The following HSD17B8 variants were observed in gnomAD, a reference collection of about 807,000 sequenced individuals.
HSD17B8 encodes the protein hydroxysteroid 17-beta dehydrogenase 8.
A neutral mutation model predicts 33.2 loss-of-function variants in HSD17B8; 23 were observed. The ratio of observed to expected loss-of-function variants is 0.69; its 90% CI spans 0.50 to 0.98. HSD17B8 has a LOEUF of 0.98. HSD17B8 is among the 50% of genes least tolerant of loss of function. HSD17B8 has a pLI of 0.00. For synonymous variants in HSD17B8, 137 were observed against 138.6 expected (o/e 0.99, Z 0.08); for missense variants, 345 against 347.5 (o/e 0.99, Z 0.06).
Position 33,206,064 on chromosome 6 carries a change from A to G in HSD17B8, c.652-70A>G, listed in dbSNP as rs1775033518. 6 of 1,530,738 alleles carry G rather than the reference A, an allele frequency of 3.9e-6. No individual in the cohort carries two copies. The highest frequency in any genetic ancestry group is 5.4e-6 in the Non-Finnish European group (6 of 1,113,668). The allele number at this position is 1,530,738 out of a possible 1,614,324, so 94.8% of individuals were successfully genotyped here. A position where few individuals can be genotyped will look rare whatever the true frequency, so the allele number is the denominator to read the frequency against. On this transcript the variant is annotated intron_variant, in intron 6 of 8. Transcript: ENST00000374662. The surrounding 1 kb of genome is among the most constrained non-coding windows in gnomAD (Gnocchi z 6.2). ...AATGTATGAGAAATGAAGACAAAAA[A>G]GGGTCACAGACTCAGTCTTCAAAAA...
At position 33,205,754 on chromosome 6, in the gene HSD17B8, A is replaced by G; in HGVS notation, c.566+29A>G. 1 of 1,612,324 alleles carries G rather than the reference A, an allele frequency of 6.2e-7. No homozygotes were observed. Among genetic ancestry groups the G allele is most frequent in the Non-Finnish European group, 8.5e-7 (1 of 1,179,404 alleles). ...GGTCAGATGCTTGAGGGTGCTGGGGAGCACCTGGGGGGTCTGAGGGAGGTA... is the reference window on the plus strand; with the variant it reads ...GGTCAGATGCTTGAGGGTGCTGGGGGGCACCTGGGGGGTCTGAGGGAGGTA... On this transcript the variant is annotated intron_variant, in intron 5 of 8. Transcript: ENST00000374662. The surrounding 1 kb of genome is among the most constrained non-coding windows in gnomAD (Gnocchi z 5.0).
Position 33,206,342 on chromosome 6 carries a change from C to A in HSD17B8, c.695-33C>A. ...GCTGTTTTGGGTCTATGGGAGTGAG[C>A]AGAATTCTGCCCTCTCCCCACCATT... On this transcript the variant is annotated intron_variant, in intron 7 of 8. Transcript: ENST00000374662. This position sits in a 1 kb window ranked among gnomAD's most constrained non-coding sequence, Gnocchi z 6.2. 1.2e-6 allele frequency: 2 copies of A among 1,605,332 alleles called. No individual in the cohort carries two copies. Among genetic ancestry groups the A allele is most frequent in the Non-Finnish European group, 1.7e-6 (2 of 1,173,182 alleles).
At position 33,205,997 on chromosome 6, in the gene HSD17B8, G is replaced by T; in HGVS notation, c.651+85G>T. On this transcript the variant is annotated intron_variant, in intron 6 of 8. Coordinates refer to ENST00000374662, the MANE Select transcript of HSD17B8 (RefSeq NM_014234.5). This position sits in a 1 kb window ranked among gnomAD's most constrained non-coding sequence, Gnocchi z 5.0. The stretch of plus-strand genomic sequence containing the variant: ...AGAGAGAGAGAGAGAGAGAGAGAGA[G>T]AATACTGGGCACAGTTCCTGGCAAA... The T allele has an allele frequency of 7.5e-7, 1 of 1,328,558 alleles. No homozygotes were observed. The highest frequency in any genetic ancestry group is 1.1e-6 in the Non-Finnish European group (1 of 934,466). 82.3% of individuals were successfully genotyped at this position (1,328,558 alleles called of 1,614,324 possible).
rs1775048484 is a variant in HSD17B8, at chr6:33,206,177, G to A, written c.694+1G>A. ...ATGGGACACTTGGGGGACCCTGAGG[G>A]TGAGCACTGAATGTAGTGGGGTCCC... On this transcript the variant is annotated splice_donor_variant, in intron 7 of 8. Transcript: ENST00000374662. LOFTEE classifies it high-confidence loss of function. The surrounding 1 kb of genome is among the most constrained non-coding windows in gnomAD (Gnocchi z 6.2). The A allele has an allele frequency of 6.2e-7, 1 of 1,612,758 alleles. No individual in the cohort carries two copies. Among genetic ancestry groups the A allele is most frequent in the Non-Finnish European group, 8.5e-7 (1 of 1,179,874 alleles).
At position 33,206,184 on chromosome 6, in the gene HSD17B8, C is replaced by T. The variant is rs1775049370; in HGVS notation, c.694+8C>T. The T allele has an allele frequency of 3.1e-6, 5 of 1,612,482 alleles. No individual in the cohort carries two copies. Among genetic ancestry groups the T allele is most frequent in the Non-Finnish European group, 4.2e-6 (5 of 1,179,706 alleles). ...ACTTGGGGGACCCTGAGGGTGAGCA[C>T]TGAATGTAGTGGGGTCCCTGGGAAG... On this transcript the variant is annotated splice_region_variant and intron_variant, in intron 7 of 8. Transcript: ENST00000374662. The surrounding 1 kb of genome is among the most constrained non-coding windows in gnomAD (Gnocchi z 6.2).
chr6:33,205,998 A>AGAGAG lies in HSD17B8; in HGVS notation c.651+86_651+87insGAGAG. On this transcript the variant is annotated intron_variant, in intron 6 of 8. Transcript: ENST00000374662. This position sits in a 1 kb window ranked among gnomAD's most constrained non-coding sequence, Gnocchi z 5.0. The stretch of plus-strand genomic sequence containing the variant: ...GAGAGAGAGAGAGAGAGAGAGAGAG[A>AGAGAG]ATACTGGGCACAGTTCCTGGCAAAC... 283 of 1,342,484 alleles carry AGAGAG rather than the reference A, an allele frequency of 2.1e-4. No homozygotes were observed. Among genetic ancestry groups the AGAGAG allele is most frequent in the Middle Eastern group, 5.5e-4 (3 of 5,438 alleles). 83.2% of individuals were successfully genotyped at this position (1,342,484 alleles called of 1,614,324 possible).
Position 33,204,983 on chromosome 6 carries a change from G to C in HSD17B8, c.134G>C (p.Arg45Pro), listed in dbSNP as rs1207586121. ...GATVAACDLDRAAAQETVRLL... is the reference protein window; with the variant it reads ...GATVAACDLDPAAAQETVRLL... ...ACCGTAGCTGCCTGCGACCTGGACCGGGCAGCGGCACAGGAGACGGTGCGG... is the reference window on the plus strand; with the variant it reads ...ACCGTAGCTGCCTGCGACCTGGACCCGGCAGCGGCACAGGAGACGGTGCGG... The change falls in exon 2 of 9, where the codon CGG becomes CCG. Residue 45 changes from arginine (R) to proline (P), a missense_variant. Arg to Pro is a moderately radical substitution (Grantham distance 103). Coordinates refer to ENST00000374662, the MANE Select transcript of HSD17B8 (RefSeq NM_014234.5). The C allele has an allele frequency of 6.7e-7, 1 of 1,483,314 alleles. No homozygotes were observed. Among genetic ancestry groups the C allele is most frequent in the African/African-American group, 1.4e-5 (1 of 71,106 alleles). The allele number at this position is 1,483,314 out of a possible 1,614,324, so 91.9% of individuals were successfully genotyped here.
Position 33,205,102 on chromosome 6 carries a change from C to T in HSD17B8, c.253C>T (p.Leu85=), listed in dbSNP as rs777835548. 11 of 1,567,136 alleles carry T rather than the reference C, an allele frequency of 7.0e-6. No homozygotes were observed. Among genetic ancestry groups the T allele is most frequent in the Non-Finnish European group, 8.7e-6 (10 of 1,156,048 alleles). The change falls in exon 2 of 9, where the codon CTG becomes TTG. Residue 85 remains leucine, a synonymous_variant. Coordinates refer to ENST00000374662, the MANE Select transcript of HSD17B8 (RefSeq NM_014234.5). This position sits in a 1 kb window ranked among gnomAD's most constrained non-coding sequence, Gnocchi z 5.0. ...GTCTGAGGCCAGGGCCGCCAGGTGC[C>T]TGCTGGAACAAGTGCAGGTGAACGC... ...DVSEARAARC[L]LEQVQACFSR... is the part of the protein sequence containing the mutation.
chr6:33,206,630 C>T lies in HSD17B8; in HGVS notation c.770-8C>T, dbSNP rs1775084830. The T allele has an allele frequency of 1.9e-6, 3 of 1,613,876 alleles. No homozygotes were observed. Among genetic ancestry groups the T allele is most frequent in the Non-Finnish European group, 2.5e-6 (3 of 1,179,858 alleles). On this transcript the variant is annotated splice_polypyrimidine_tract_variant and splice_region_variant and intron_variant, in intron 8 of 8. Transcript: ENST00000374662. This position sits in a 1 kb window ranked among gnomAD's most constrained non-coding sequence, Gnocchi z 6.2. ...ATGCATCTGTCCAAATGTTTCTGCC[C>T]CTCCCAGGAGGTCTTTTCATGTAAC...
In HSD17B8 at chr6:33,205,339, T is replaced by C; in HGVS notation, c.387+2T>C. On this transcript the variant is annotated splice_donor_variant, in intron 3 of 8. Transcript: ENST00000374662. LOFTEE classifies it high-confidence loss of function. This position sits in a 1 kb window ranked among gnomAD's most constrained non-coding sequence, Gnocchi z 5.0. Reference sequence around the variant, plus strand: ...AAAGTCATAGCTGTCAACCTCAAGGTGGCGATCTCTGAACCTGCGACGTTT... The same window carrying C: ...AAAGTCATAGCTGTCAACCTCAAGGCGGCGATCTCTGAACCTGCGACGTTT... 6.2e-7 allele frequency: 1 copy of C among 1,612,240 alleles called. No individual in the cohort carries two copies. The highest frequency in any genetic ancestry group is 8.5e-7 in the Non-Finnish European group (1 of 1,178,906).
Position 33,204,864 on chromosome 6 carries a change from TC to T in HSD17B8, c.53-34del, listed in dbSNP as rs775400099. Reference sequence around the variant, plus strand: ...GTGACCTCTGATCCCTGCCCTCTCCTCCCCGTGCCCGGTCCGGCGTGTTCTG... The same window carrying T: ...GTGACCTCTGATCCCTGCCCTCTCCTCCCGTGCCCGGTCCGGCGTGTTCTG... On this transcript the variant is annotated intron_variant, in intron 1 of 8. Transcript: ENST00000374662. 1.0e-5 allele frequency: 15 copies of T among 1,490,986 alleles called. No individual in the cohort carries two copies. In the East Asian group the frequency reaches 3.7e-4, roughly 37 times the overall value. 92.4% of individuals were successfully genotyped at this position (1,490,986 alleles called of 1,614,324 possible).
intron 1 of HSD17B8, 33 bp downstream of exon 1, chr6:33,204,753 G>T: frequency 6.2e-7 from 1 of 1,612,222 alleles, no homozygotes. Flanking sequence ...GCGGTTTGGG[G>T]TATTGGAGTG....
In HSD17B8 at chr6:33,204,972, C is replaced by T. The variant is rs770107202; in HGVS notation, c.123C>T (p.Cys41=). The change falls in exon 2 of 9, where the codon TGC becomes TGT. Residue 41 remains cysteine (C), a synonymous_variant. Transcript: ENST00000374662. The stretch of plus-strand genomic sequence containing the variant: ...GAGAGGGGGCCACCGTAGCTGCCTG[C>T]GACCTGGACCGGGCAGCGGCACAGG... The part of the protein sequence containing the change: ...LAGEGATVAA[C]DLDRAAAQET... 1.4e-6 allele frequency: 2 copies of T among 1,472,994 alleles called. No individual in the cohort carries two copies. The highest frequency in any genetic ancestry group is 1.8e-6 in the Non-Finnish European group (2 of 1,117,220). 91.2% of individuals were successfully genotyped at this position (1,472,994 alleles called of 1,614,324 possible). A position where few individuals can be genotyped will look rare whatever the true frequency, so the allele number is the denominator to read the frequency against.
In HSD17B8 at chr6:33,204,740, C is replaced by G. The variant is rs1255060540; in HGVS notation, c.52+20C>G. On this transcript the variant is annotated intron_variant, in intron 1 of 8. Coordinates refer to ENST00000374662, the MANE Select transcript of HSD17B8 (RefSeq NM_014234.5). ...TCACAGGTTGAGGGGGTTCTTTCCC[C>G]GGGCGGTTTGGGGTATTGGAGTGAG... The G allele has an allele frequency of 4.3e-6, 7 of 1,612,844 alleles. No homozygotes were observed. The highest frequency in any genetic ancestry group is 5.9e-6 in the Non-Finnish European group (7 of 1,179,916).
chr6:33,205,210 C>A lies in HSD17B8; in HGVS notation c.271-11C>A. 1 of 1,612,338 alleles carries A rather than the reference C, an allele frequency of 6.2e-7. No homozygotes were observed. The highest frequency in any genetic ancestry group is 8.5e-7 in the Non-Finnish European group (1 of 1,179,274). On this transcript the variant is annotated splice_polypyrimidine_tract_variant and intron_variant, in intron 2 of 8. Coordinates refer to ENST00000374662, the MANE Select transcript of HSD17B8 (RefSeq NM_014234.5). This position sits in a 1 kb window ranked among gnomAD's most constrained non-coding sequence, Gnocchi z 5.0. ...GGGGGGTTTTTGATGCGTAACCTCC[C>A]CCTCCCATAGGCCTGCTTTTCTCGC... is the stretch of plus-strand genomic sequence containing the variant.
In HSD17B8 at chr6:33,205,171, C is replaced by A; in HGVS notation, c.271-50C>A. ...TAAAGCTCTGATATTGCCTCCACTG[C>A]CCCGGCTTTTTGTGGGGGGTTTTTG... On this transcript the variant is annotated intron_variant, in intron 2 of 8. Coordinates refer to ENST00000374662, the MANE Select transcript of HSD17B8 (RefSeq NM_014234.5). The surrounding 1 kb of genome is among the most constrained non-coding windows in gnomAD (Gnocchi z 5.0). 1 of 1,607,064 alleles carries A rather than the reference C, an allele frequency of 6.2e-7. No homozygotes were observed. Among genetic ancestry groups the A allele is most frequent in the Non-Finnish European group, 8.5e-7 (1 of 1,175,736 alleles).
Position 33,204,659 on chromosome 6 carries a change from A to G in HSD17B8, c.-10A>G, listed in dbSNP as rs761801597. On this transcript the variant is annotated 5_prime_UTR_variant, in exon 1 of 9. Coordinates refer to ENST00000374662, the MANE Select transcript of HSD17B8 (RefSeq NM_014234.5). The stretch of plus-strand genomic sequence containing the variant: ...TTAGTGCTGGGATTCCCACCCACCC[A>G]CAGCCCGCCATGGCGTCTCAGCTCC... The G allele has an allele frequency of 1.9e-6, 3 of 1,599,404 alleles. No homozygotes were observed. In the Admixed American group the frequency reaches 5.0e-5, roughly 27 times the overall value.
chr6:33,206,543 G>A lies in HSD17B8; in HGVS notation c.769+94G>A, dbSNP rs1775077871. The A allele has an allele frequency of 6.4e-7, 1 of 1,558,310 alleles. No homozygotes were observed. The highest frequency in any genetic ancestry group is 8.9e-7 in the Non-Finnish European group (1 of 1,129,500). Reference sequence around the variant, plus strand: ...GGGGAGTCTGGAGCCACTGGGAAGGGCAGAGGTTCCCAAGGCCAGGGACAG... The same window carrying A: ...GGGGAGTCTGGAGCCACTGGGAAGGACAGAGGTTCCCAAGGCCAGGGACAG... On this transcript the variant is annotated intron_variant, in intron 8 of 8. Coordinates refer to ENST00000374662, the MANE Select transcript of HSD17B8 (RefSeq NM_014234.5). This position sits in a 1 kb window ranked among gnomAD's most constrained non-coding sequence, Gnocchi z 6.2.
rs1583447846 is a variant in HSD17B8, at chr6:33,206,789, G to A, written c.*135G>A. 1.6e-5 allele frequency: 15 copies of A among 947,668 alleles called. No homozygotes were observed. In the East Asian group the frequency reaches 3.6e-4, roughly 23 times the overall value. 58.7% of individuals were successfully genotyped at this position (947,668 alleles called of 1,614,324 possible). On this transcript the variant is annotated 3_prime_UTR_variant, in exon 9 of 9. Coordinates refer to ENST00000374662, the MANE Select transcript of HSD17B8 (RefSeq NM_014234.5). The surrounding 1 kb of genome is among the most constrained non-coding windows in gnomAD (Gnocchi z 6.2). ...AGGAATGCTGAATATGGGAAGCAGG[G>A]GTGCTTGTGACCCTAATAAATTCCA...
Sources: gnomAD v4.1 joint callset for allele counts on GRCh38, gnomAD v4.1.1 for gene constraint, Gnocchi (gnomAD v3.1) non-coding constraint, MANE v1.5 for transcripts, NCBI Gene and HGNC (gene_info 2026-07-23, HGNC 2026-07-21) for gene names.